The following CSAD variants were observed in gnomAD, a reference collection of about 807,000 sequenced individuals.
CSAD encodes P-selectin cytoplasmic tail-associated protein.
A neutral mutation model predicts 61.5 loss-of-function variants in CSAD; 47 were observed. The ratio of observed to expected loss-of-function variants is 0.76; its 90% CI spans 0.60 to 0.97. CSAD has a LOEUF of 0.97. Among genes scored for constraint, CSAD ranks in the 50% least tolerant of loss-of-function variants. CSAD has a pLI of 0.00. For missense variants in CSAD, 611 were observed against 643.6 expected, an observed-to-expected ratio of 0.95 and a Z score of 0.55; for synonymous variants, 245 against 252.7, an observed-to-expected ratio of 0.97 and a Z score of 0.29.
chr12:53,179,620 C>T lies in CSAD; in HGVS notation c.-90-478G>A, dbSNP rs184210118. ...ATGATCCTAAAACACAAAAAACGTA[C>T]TTTCAATGGCCCAAATCATGGAGTG... On this transcript the variant is annotated intron_variant, in intron 1 of 16. Coordinates refer to ENST00000444623, the MANE Select transcript of CSAD (RefSeq NM_001244705.2). 976 of 648,756 alleles carry T rather than the reference C, an allele frequency of 1.5e-3. 10 individuals are homozygous for T. Among genetic ancestry groups the T allele is most frequent in the Middle Eastern group, 8.4e-3 (26 of 3,096 alleles). The allele number at this position is 648,756 out of a possible 1,614,324, so 40.2% of individuals were successfully genotyped here.
rs11170453 is a variant in CSAD, at chr12:53,170,081, G to A, written c.693C>T (p.Ala231=). 97,471 of 1,613,374 alleles carry A rather than the reference G, an allele frequency of 0.06. 3,692 individuals are homozygous for A. The highest frequency in any genetic ancestry group is 0.18 in the East Asian group (8,167 of 44,866). The part of the protein sequence containing the change: ...PEDLERQIGM[A]EAEGAVPFLV... ...AGCCTCACTGACTCACCTCAGCCTC[G>A]GCCATACCAATCTGCCTCTCCAGAT... Residue 231 remains alanine (A), a synonymous_variant, in exon 10 of 17, where the codon GCC becomes GCT. Coordinates refer to ENST00000444623, the MANE Select transcript of CSAD (RefSeq NM_001244705.2).
intron 8 of CSAD, 88 bp from the exon 9 acceptor site, chr12:53,170,590 G>A (rs1268532933): frequency 1.0e-6 from 1 of 969,766 alleles, no homozygotes; most frequent in African/African-American, 1.6e-5. Flanking sequence ...CAACAAATGG[G>A]ATCCTGTAGA....
intron 10 of CSAD, among the ~76,000 whole-genome samples, chr12:53,169,040 C>T (rs959958427): frequency 9.2e-5 from 14 of 151,972 alleles, no homozygotes; most frequent in African/African-American, 2.9e-4. Flanking sequence ...ATTAGCCAGG[C>T]GTGTTGATGC....
intron 2 of CSAD, among the ~76,000 whole-genome samples, chr12:53,175,617 T>A (rs1472250524): frequency 6.6e-6 from 1 of 152,186 alleles, no homozygotes; most frequent in Non-Finnish European, 1.5e-5. Context: ...ACCCCTCAAA[T>A]GTTAGTTTCC....
At chr12:53,164,097 A>G (rs751693597) in intron 10 of CSAD, among the ~76,000 whole-genome samples, 6 of 152,232 alleles carry the variant, frequency 3.9e-5, no homozygotes, top group Non-Finnish European at 7.3e-5. Flanking sequence ...CACACCCTCA[A>G]ATTAATTCAT....
chr12:53,161,510 C>T, intron 10 of CSAD, 121 bp from the exon 11 acceptor site: 1 of 722,158 alleles, frequency 1.4e-6, no homozygotes, highest in South Asian at 1.7e-5. Flanking sequence ...AACCTCACAA[C>T]AATGTGTTAC....
chr12:53,167,142 C>T (rs1940031249), intron 10 of CSAD, among the ~76,000 whole-genome samples: 1 of 152,160 alleles, frequency 6.6e-6, no homozygotes, highest in African/African-American at 2.4e-5. Context: ...CTTCAAATGC[C>T]CACTTGATGA....
chr12:53,170,151 G>GA (rs1940389438), intron 9 of CSAD, 25 bp from the exon 10 acceptor site: 2 of 1,608,380 alleles, frequency 1.2e-6, no homozygotes, highest in Admixed American at 1.7e-5. Flanking sequence ...GCAGAGGGTA[G>GA]AGCAGGGACA....
chr12:53,170,576 G>A, intron 8 of CSAD, 74 bp from the exon 9 acceptor site: 3 of 1,149,422 alleles, frequency 2.6e-6, no homozygotes, highest in Non-Finnish European at 4.0e-6. Context: ...TCAAGTGTGA[G>A]CTCCAACAAA....
In CSAD at chr12:53,168,102, G is replaced by A. The variant is rs137861465; in HGVS notation, c.702+1970C>T. ...GTTGGATGAACCTTGAAGACATTATGCTATGTAAAAGAAGCTCATCACAAA... is the reference window on the plus strand; with the variant it reads ...GTTGGATGAACCTTGAAGACATTATACTATGTAAAAGAAGCTCATCACAAA... On this transcript the variant is annotated intron_variant, in intron 10 of 16. Transcript: ENST00000444623. Among the ~76,000 whole-genome samples, 549 of 152,318 alleles carry A rather than the reference G, an allele frequency of 3.6e-3. 1 individual carries two copies. Among genetic ancestry groups the A allele is most frequent in the Middle Eastern group, 6.8e-3 (2 of 294 alleles).
Position 53,170,695 on chromosome 12 carries a change from G to A in CSAD, c.568-193C>T, listed in dbSNP as rs946295223. ...TGGTCCACTAGGTCTGGGGTCTAGG[G>A]TGGGGCCCAAGATTCTGCATTTGTT... On this transcript the variant is annotated intron_variant, in intron 8 of 16. Coordinates refer to ENST00000444623, the MANE Select transcript of CSAD (RefSeq NM_001244705.2). 1.5e-5 allele frequency: 9 copies of A among 598,144 alleles called. No homozygotes were observed. The African/African-American group carries it at 1.7e-4, about 11-fold the overall frequency. The allele number at this position is 598,144 out of a possible 1,614,324, so 37.1% of individuals were successfully genotyped here.
rs1940630241 is a variant in CSAD, at chr12:53,171,900, C to T, written c.433G>A (p.Asp145Asn). Reference sequence around the variant, plus strand: ...CACAAACCAGGGCAGAAGATTCCGTCCCCAGAGCTCCAGCCCACCAGGGCC... The same window carrying T: ...CACAAACCAGGGCAGAAGATTCCGTTCCCAGAGCTCCAGCCCACCAGGGCC... ...LRALVGWSSG[D>N]GIFCPGGSIS... Residue 145 changes from aspartate (D) to asparagine (N), a missense_variant, in exon 7 of 17, where the codon GAC becomes AAC. By Grantham distance (23) the Asp-to-Asn change is conservative (BLOSUM62 1). Transcript: ENST00000444623. 6.2e-7 allele frequency: 1 copy of T among 1,613,156 alleles called. No individual in the cohort carries two copies.
chr12:53,171,145 G>A (rs1409698287), intron 8 of CSAD, 181 bp downstream of exon 8: 1 of 877,416 alleles, frequency 1.1e-6, no homozygotes, highest in Admixed American at 2.0e-5. Flanking sequence ...CCCCCAAACA[G>A]AAGGCAATGT....
chr12:53,169,928 C>T, intron 10 of CSAD, 144 bp downstream of exon 10: 2 of 716,108 alleles, frequency 2.8e-6, no homozygotes, highest in South Asian at 1.7e-5. Flanking sequence ...GTCCTCACCC[C>T]CAGGCTCTCC....
intron 4 of CSAD, 73 bp downstream of exon 4, chr12:53,173,272 A>G: frequency 7.1e-7 from 1 of 1,402,158 alleles, no homozygotes; most frequent in Non-Finnish European, 9.9e-7. Context: ...GGAGAAAGAA[A>G]AGAAAGGAAA....
intron 3 of CSAD, 105 bp downstream of exon 3, chr12:53,173,623 T>C (rs1940855797): frequency 1.3e-6 from 2 of 1,500,538 alleles, no homozygotes; most frequent in South Asian, 2.3e-5. Context: ...CAAGTGAGAG[T>C]GCCCAGGGAG....
intron 16 of CSAD, 107 bp from the exon 17 acceptor site, chr12:53,158,791 C>A (rs1938880513): frequency 9.5e-7 from 1 of 1,057,900 alleles, no homozygotes; most frequent in East Asian, 2.6e-5. Context: ...TCCCACCCAG[C>A]CACCTTCTGG....
chr12:53,160,397 T>C (rs1939144830), intron 13 of CSAD, 78 bp from the exon 14 acceptor site: 1 of 1,383,704 alleles, frequency 7.2e-7, no homozygotes. Context: ...GTGGGGGTCT[T>C]AGCTCAGGAT....
intron 2 of CSAD, among the ~76,000 whole-genome samples, chr12:53,175,680 A>G (rs1295818886): frequency 6.6e-6 from 1 of 152,220 alleles, no homozygotes; most frequent in East Asian, 1.9e-4. Context: ...GAGGCATTAC[A>G]TAAACATTTG....
Sources: allele counts gnomAD v4.1 joint callset (sites outside exome capture counted in the v4.1 genomes callset), GRCh38; gene constraint gnomAD v4.1.1; transcripts MANE v1.5; gene names NCBI Gene and HGNC (gene_info 2026-07-23, HGNC 2026-07-21).